Variants in CAPRIN1 observed in about 807,000 individuals in gnomAD.
CAPRIN1 encodes cell cycle associated protein 1.
In CAPRIN1, 29 loss-of-function variants were observed where a neutral mutation model predicts 100.9. That is an observed-to-expected ratio of 0.29 (90% CI 0.21 to 0.39). CAPRIN1 has a LOEUF of 0.39. Among genes scored for constraint, CAPRIN1 ranks in the 10% least tolerant of loss-of-function variants. The pLI is 1.00. For synonymous variants in CAPRIN1, 338 were observed against 307.5 expected, an observed-to-expected ratio of 1.10 and a Z score of -1.04; for missense variants, 795 against 876.7, an observed-to-expected ratio of 0.91 and a Z score of 1.18.
chr11:34,069,224 T>C (rs1180385093), intron 2 of CAPRIN1, among the ~76,000 whole-genome samples: 1 of 151,086 alleles, frequency 6.6e-6, no homozygotes, highest in East Asian at 1.9e-4. Context: ...ATCTCAGCTC[T>C]CTGCAACCTC....
chr11:34,088,856 T>C (rs909715563), intron 11 of CAPRIN1, among the ~76,000 whole-genome samples: 1 of 152,206 alleles, frequency 6.6e-6, no homozygotes, highest in African/African-American at 2.4e-5. Context: ...AAGTAAACTA[T>C]TAAATAATAA....
intron 15 of CAPRIN1, 108 bp downstream of exon 15, chr11:34,092,164 T>C (rs906382143): frequency 3.7e-6 from 4 of 1,081,764 alleles, no homozygotes; most frequent in Admixed American, 2.9e-5. Flanking sequence ...GTTTCTGTTT[T>C]AGTAGCAGAC....
intron 15 of CAPRIN1, among the ~76,000 whole-genome samples, chr11:34,093,169 C>T (rs369065961): frequency 6.7e-6 from 1 of 149,788 alleles, no homozygotes; most frequent in Non-Finnish European, 1.5e-5. Flanking sequence ...TTGTCTAGCT[C>T]GATAGAGATA....
At chr11:34,053,831 T>C (rs1439816601) in intron 2 of CAPRIN1, among the ~76,000 whole-genome samples, 1 of 152,124 alleles carries the variant, frequency 6.6e-6, no homozygotes, top group Admixed American at 6.5e-5. Flanking sequence ...GAGAAACAAA[T>C]TAGTCGTTTG....
In CAPRIN1 at chr11:34,089,350, A is replaced by G. The variant is rs758468166; in HGVS notation, c.1232-45A>G. 9 of 1,273,898 alleles carry G rather than the reference A, an allele frequency of 7.1e-6. No homozygotes were observed. In the African/African-American group the frequency reaches 1.1e-4, roughly 16 times the overall value. 78.9% of individuals were successfully genotyped at this position (1,273,898 alleles called of 1,614,324 possible). On this transcript the variant is annotated intron_variant, in intron 11 of 18. Transcript: ENST00000341394. ...AAAGGTATTTAGACGCGTCTCTCTA[A>G]AAATTTAATTTTGTTTGACAAAAAT...
intron 1 of CAPRIN1, 55 bp from the exon 2 acceptor site, chr11:34,052,366 C>G (rs1457969818): frequency 3.5e-6 from 5 of 1,433,620 alleles, no homozygotes; most frequent in Non-Finnish European, 4.9e-6. Flanking sequence ...CGTCTCCTGA[C>G]TGGCCGCTCT....
chr11:34,053,244 G>A, intron 2 of CAPRIN1: 1 of 757,930 alleles, frequency 1.3e-6, no homozygotes. Flanking sequence ...CTACCCCCGC[G>A]CCCATGCGAT....
chr11:34,062,498 G>A (rs1217691328), intron 2 of CAPRIN1, among the ~76,000 whole-genome samples: 2 of 151,880 alleles, frequency 1.3e-5, no homozygotes, highest in South Asian at 2.1e-4. Flanking sequence ...GGTGGTGGGC[G>A]CCTGTAGTCC....
At chr11:34,067,482 A>G (rs1565086177) in intron 2 of CAPRIN1, among the ~76,000 whole-genome samples, 1 of 152,076 alleles carries the variant, frequency 6.6e-6, no homozygotes, top group Non-Finnish European at 1.5e-5. Context: ...CTTTAATAAA[A>G]TGCACAGTTG....
intron 2 of CAPRIN1, among the ~76,000 whole-genome samples, chr11:34,064,015 G>C (rs538290843): frequency 6.6e-6 from 1 of 152,262 alleles, no homozygotes; most frequent in East Asian, 1.9e-4. Context: ...TGATCCACCT[G>C]TCTCGGCCTC....
At chr11:34,063,645 C>G (rs1850627206) in intron 2 of CAPRIN1, among the ~76,000 whole-genome samples, 1 of 152,098 alleles carries the variant, frequency 6.6e-6, no homozygotes, top group African/African-American at 2.4e-5. Flanking sequence ...GGGAAATGGC[C>G]TGATTTTTAT....
At chr11:34,065,156 G>GTT (rs1426621210) in intron 2 of CAPRIN1, among the ~76,000 whole-genome samples, 1 of 151,724 alleles carries the variant, frequency 6.6e-6, no homozygotes, top group African/African-American at 2.4e-5. Context: ...TAGAGACAGG[G>GTT]TTTCACCTTG....
chr11:34,086,467 G>A, intron 11 of CAPRIN1, 54 bp downstream of exon 11: 1 of 1,035,202 alleles, frequency 9.7e-7, no homozygotes, highest in East Asian at 2.4e-5. Flanking sequence ...AGTACTTTCA[G>A]GTTTTAAAAA....
intron 6 of CAPRIN1, among the ~76,000 whole-genome samples, chr11:34,078,387 A>G (rs948472967): frequency 2.0e-5 from 3 of 152,306 alleles, no homozygotes; most frequent in Admixed American, 6.5e-5. Context: ...AAGAAAATTG[A>G]AAGTAATAAC....
At chr11:34,059,122 C>T (rs955369816) in intron 2 of CAPRIN1, among the ~76,000 whole-genome samples, 1 of 152,106 alleles carries the variant, frequency 6.6e-6, no homozygotes, top group Non-Finnish European at 1.5e-5. Context: ...AGTACAAAAA[C>T]GTGGGTGAAA....
intron 9 of CAPRIN1, among the ~76,000 whole-genome samples, chr11:34,085,803 C>G (rs576220180): frequency 6.6e-6 from 1 of 150,728 alleles, no homozygotes; most frequent in African/African-American, 2.4e-5. Flanking sequence ...GATTCCGTCT[C>G]GAAAGAAAAA....
chr11:34,086,758 C>T (rs10836154), intron 11 of CAPRIN1, among the ~76,000 whole-genome samples: 8,456 of 152,256 alleles, frequency 0.056, 308 homozygotes, highest in Middle Eastern at 0.11. Context: ...TAGTTACCCT[C>T]ACCCCTAGCG....
rs1180494597 is a variant in CAPRIN1, at chr11:34,089,455, A to G, written c.1292A>G (p.Gln431Arg). ...GTTCCTGTACAACCAGAAGCGACAC[A>G]GGTAAGAGTGATAAAACTATTTTCT... ...NQVPVQPEATQVPLVSSTSEG... is the reference protein window; with the variant it reads ...NQVPVQPEATRVPLVSSTSEG... The change falls in exon 12 of 19, where the codon CAG (glutamine) becomes CGG (arginine). Residue 431 changes from glutamine (Q) to arginine (R), a missense_variant and splice_region_variant. By Grantham distance (43) the Gln-to-Arg change is conservative. Transcript: ENST00000341394. 1 of 1,590,400 alleles carries G rather than the reference A, an allele frequency of 6.3e-7. No homozygotes were observed. Among genetic ancestry groups the G allele is most frequent in the South Asian group, 1.1e-5 (1 of 90,382 alleles).
chr11:34,092,855 A>T (rs1851288853), intron 15 of CAPRIN1, among the ~76,000 whole-genome samples: 1 of 151,844 alleles, frequency 6.6e-6, no homozygotes, highest in African/African-American at 2.4e-5. Context: ...GTAGGTAGGG[A>T]CGCTTTTATG....
Sources: allele counts gnomAD v4.1 joint callset (sites outside exome capture counted in the v4.1 genomes callset), GRCh38; gene constraint gnomAD v4.1.1; transcripts MANE v1.5; gene names NCBI Gene and HGNC (gene_info 2026-07-23, HGNC 2026-07-21).